AMOTL1: variants seen among roughly 807,000 people sequenced by gnomAD.
AMOTL1 encodes the protein angiomotin-like protein 1.
Under a neutral mutation model 102.9 loss-of-function variants are expected in AMOTL1, and 45 were observed. The observed-to-expected ratio is 0.44, with a 90% CI of 0.34 to 0.56. The LOEUF is 0.56. AMOTL1 is among the 20% of genes least tolerant of loss of function. The pLI is 0.01. For missense variants in AMOTL1, 1,114 were observed against 1,225.6 expected (o/e 0.91, Z 1.36); for synonymous variants, 481 against 484.7 (o/e 0.99, Z 0.10).
At chr11:94,852,239 T>C (rs890234939) in intron 7 of AMOTL1, among the ~76,000 whole-genome samples, 2 of 152,084 alleles carry the variant, frequency 1.3e-5, no homozygotes, top group Admixed American at 6.5e-5. Context: ...CAAGAACAGG[T>C]GTAAAAAGTC....
At position 94,876,040 on chromosome 11, in the gene AMOTL1, C is replaced by G. The variant is rs1274721668; in HGVS notation, c.*5245C>G. Reference sequence around the variant, plus strand: ...CTTCACAGAATTAGAATACTGCTCTCTCTATATTGAACTACATATACAGCG... The same window carrying G: ...CTTCACAGAATTAGAATACTGCTCTGTCTATATTGAACTACATATACAGCG... On this transcript the variant is annotated 3_prime_UTR_variant, in exon 13 of 13. Coordinates refer to ENST00000433060, the MANE Select transcript of AMOTL1 (RefSeq NM_130847.3). The G allele has an allele frequency of 6.6e-6, 1 of 152,626 alleles. No individual in the cohort carries two copies. The highest frequency in any genetic ancestry group is 6.5e-5 in the Admixed American group (1 of 15,282). 9.5% of individuals were successfully genotyped at this position (152,626 alleles called of 1,614,324 possible).
intron 3 of AMOTL1, among the ~76,000 whole-genome samples, chr11:94,743,560 A>T (rs1950553620): frequency 6.6e-6 from 1 of 151,826 alleles, no homozygotes; most frequent in African/African-American, 2.4e-5. Flanking sequence ...TTCTTTCGGG[A>T]GCACAGATGA....
chr11:94,804,075 C>T (rs141212849), intron 3 of AMOTL1, among the ~76,000 whole-genome samples: 2,747 of 152,188 alleles, frequency 0.018, 34 homozygotes, highest in African/African-American at 0.029. Flanking sequence ...CATGATAGAG[C>T]GAACATCATC....
chr11:94,838,235 G>C (rs978568864), intron 6 of AMOTL1, among the ~76,000 whole-genome samples: 1 of 152,228 alleles, frequency 6.6e-6, no homozygotes, highest in Non-Finnish European at 1.5e-5. Context: ...TCACATTGGA[G>C]TCCCAACTCA....
intron 3 of AMOTL1, among the ~76,000 whole-genome samples, chr11:94,815,626 G>A (rs1163055377): frequency 6.6e-6 from 1 of 151,848 alleles, no homozygotes; most frequent in Admixed American, 6.6e-5. Context: ...TAAAAGAAAT[G>A]TGTTCTTATT....
Position 94,862,175 on chromosome 11 carries a change from C to T in AMOTL1, c.2135+2460C>T, listed in dbSNP as rs544527025. ...CATCTAATAATTCTGTGAGCAACTA[C>T]CCTCCCCATTACAGACTACCCCTTC... On this transcript the variant is annotated intron_variant, in intron 9 of 12. Coordinates refer to ENST00000433060, the MANE Select transcript of AMOTL1 (RefSeq NM_130847.3). Among the ~76,000 whole-genome samples the T allele has an allele frequency of 2.6e-5, 4 of 152,294 alleles. No individual in the cohort carries two copies. In the South Asian group the frequency reaches 8.3e-4, roughly 32 times the overall value.
chr11:94,723,807 C>T (rs1950212739), intron 1 of AMOTL1, among the ~76,000 whole-genome samples: 1 of 151,930 alleles, frequency 6.6e-6, no homozygotes. Flanking sequence ...TTTTCTATTC[C>T]AAACAAGTGT....
chr11:94,864,727 G>A lies in AMOTL1; in HGVS notation c.2136-8G>A, dbSNP rs778895121. The stretch of plus-strand genomic sequence containing the variant: ...CCTATGATCAAACGCATATCCTTGT[G>A]TTGCCAGGGACACCACGATCATCAA... On this transcript the variant is annotated splice_polypyrimidine_tract_variant and splice_region_variant and intron_variant, in intron 9 of 12. Coordinates refer to ENST00000433060, the MANE Select transcript of AMOTL1 (RefSeq NM_130847.3). 2 of 1,612,320 alleles carry A rather than the reference G, an allele frequency of 1.2e-6. No individual in the cohort carries two copies. Among genetic ancestry groups the A allele is most frequent in the African/African-American group, 1.3e-5 (1 of 74,890 alleles).
At chr11:94,802,960 A>T (rs1009867552) in intron 3 of AMOTL1, among the ~76,000 whole-genome samples, 1 of 152,138 alleles carries the variant, frequency 6.6e-6, no homozygotes, top group East Asian at 1.9e-4. Flanking sequence ...TTTGTCATTG[A>T]TCGTGATGGT....
chr11:94,751,778 GCACACACA>G (rs71036341), intron 3 of AMOTL1, among the ~76,000 whole-genome samples: 3 of 146,660 alleles, frequency 2.0e-5, no homozygotes, highest in Admixed American at 6.8e-5. Context: ...CATTCACACA[GCACACACA>G]CACACACACA....
chr11:94,785,998 C>T (rs1339092970), intron 1 of AMOTL1, among the ~76,000 whole-genome samples: 1 of 151,978 alleles, frequency 6.6e-6, no homozygotes, highest in African/African-American at 2.4e-5. Flanking sequence ...CTACTGTGGT[C>T]CTGAGATACT....
chr11:94,807,368 T>C (rs1951583868), intron 3 of AMOTL1, among the ~76,000 whole-genome samples: 1 of 152,220 alleles, frequency 6.6e-6, no homozygotes, highest in South Asian at 2.1e-4. Flanking sequence ...TTTAACCTCA[T>C]TTTAAATTTC....
At chr11:94,863,791 A>G (rs1365050837) in intron 9 of AMOTL1, among the ~76,000 whole-genome samples, 2 of 152,210 alleles carry the variant, frequency 1.3e-5, no homozygotes, top group Non-Finnish European at 2.9e-5. Context: ...TAGTAATTAA[A>G]TTGTCAAAAC....
intron 1 of AMOTL1, among the ~76,000 whole-genome samples, chr11:94,719,790 G>C (rs1314085593): frequency 6.6e-6 from 1 of 151,988 alleles, no homozygotes; most frequent in Non-Finnish European, 1.5e-5. Context: ...ACAGAATCTG[G>C]TTTTCTGTGA....
intron 3 of AMOTL1, among the ~76,000 whole-genome samples, chr11:94,812,330 C>G (rs1158798790): frequency 6.6e-6 from 1 of 151,926 alleles, no homozygotes; most frequent in Non-Finnish European, 1.5e-5. Context: ...AAGGGCAGGA[C>G]AACTTGAGGT....
At chr11:94,736,354 C>T (rs547622172) in intron 2 of AMOTL1, among the ~76,000 whole-genome samples, 210 of 152,268 alleles carry the variant, frequency 1.4e-3, no homozygotes, top group African/African-American at 4.9e-3. Flanking sequence ...CGGGTTCAAG[C>T]GATTCTCCTG....
chr11:94,713,324 A>T (rs761790423), intron 1 of AMOTL1, among the ~76,000 whole-genome samples: 4 of 151,832 alleles, frequency 2.6e-5, no homozygotes, highest in African/African-American at 4.8e-5. Flanking sequence ...TCTTCCTCCC[A>T]TTTCAGGGTT....
chr11:94,821,340 CTTG>C (rs1446102303), intron 3 of AMOTL1, among the ~76,000 whole-genome samples, 187 bp from the exon 4 acceptor site: 1 of 152,200 alleles, frequency 6.6e-6, no homozygotes, highest in African/African-American at 2.4e-5. Flanking sequence ...CCTGGTCTGT[CTTG>C]TTCGCTGTTT....
rs553199872 is a variant in AMOTL1 at position 94,776,593 on chromosome 11, A to G, written c.49+8033A>G. On this transcript the variant is annotated intron_variant, in intron 1 of 12. Transcript: ENST00000433060. ...TTGCTTTGCTTTCTCTTTGTGAGGT[A>G]GGGCTCTGCACACGCCCTGTGGCCA... Among the ~76,000 whole-genome samples the G allele has an allele frequency of 1.7e-3, 265 of 152,290 alleles. 3 individuals are homozygous for G. The highest frequency in any genetic ancestry group is 5.9e-3 in the African/African-American group (244 of 41,566).
Sources: allele counts gnomAD v4.1 joint callset (sites outside exome capture counted in the v4.1 genomes callset), GRCh38; gene constraint gnomAD v4.1.1; transcripts MANE v1.5; gene names NCBI Gene and HGNC (gene_info 2026-07-23, HGNC 2026-07-21).